Variants in IRF3 observed in about 807,000 individuals in gnomAD.
IRF3 encodes the protein interferon regulatory factor 3.
In IRF3, 29 loss-of-function variants were observed where a neutral mutation model predicts 43.2. The observed-to-expected ratio is 0.67, with a 90% CI of 0.50 to 0.91. The LOEUF is 0.91. Among genes scored for constraint, IRF3 ranks in the 40% least tolerant of loss-of-function variants. IRF3 has a pLI of 0.00. For synonymous variants in IRF3, 228 were observed against 233.9 expected, an observed-to-expected ratio of 0.97 and a Z score of 0.23; for missense variants, 505 against 559.1, an observed-to-expected ratio of 0.90 and a Z score of 0.98.
In IRF3 at chr19:49,662,588, G is replaced by T; in HGVS notation, c.438C>A (p.Asn146Lys). Residue 146 changes from asparagine (N) to lysine (K), a missense_variant, in exon 5 of 8, where the codon AAC (asparagine) becomes AAA (lysine). By Grantham distance (94) the Asn-to-Lys change is moderately conservative (BLOSUM62 0). Transcript: ENST00000377139. ...GATCTGGGAGTGGGGCCAACACCAT[G>T]TTACCCAGTAACTCATCCAGAATGT... Reference protein sequence around the residue: ...QEDILDELLGNMVLAPLPDPG... With the variant: ...QEDILDELLGKMVLAPLPDPG... 6.5e-7 allele frequency: 1 copy of T among 1,529,514 alleles called. No homozygotes were observed. Among genetic ancestry groups the T allele is most frequent in the South Asian group, 1.2e-5 (1 of 80,190 alleles). The allele number at this position is 1,529,514 out of a possible 1,614,324, so 94.7% of individuals were successfully genotyped here. A position where few individuals can be genotyped will look rare whatever the true frequency, so the allele number is the denominator to read the frequency against.
At chr19:49,661,746 T>G in intron 6 of IRF3, 1 of 604,178 alleles carries the variant, frequency 1.7e-6, no homozygotes, top group Non-Finnish European at 2.8e-6. Flanking sequence ...CGCCCGACTA[T>G]TTTTTTGTAT....
chr19:49,661,989 T>C lies in IRF3; in HGVS notation c.941A>G (p.Asp314Gly), dbSNP rs745931564. The change falls in exon 6 of 8, where the codon GAC becomes GGC. Residue 314 changes from aspartate to glycine, a missense_variant. Asp to Gly is a moderately conservative substitution (Grantham distance 94). Transcript: ENST00000377139. ...CAGGTCAAACACGCCTCCTTCCTTGTCCTTGGGGACCTCGCCATCAGGCCC... is the reference window on the plus strand; with the variant it reads ...CAGGTCAAACACGCCTCCTTCCTTGCCCTTGGGGACCTCGCCATCAGGCCC... ...GHGPDGEVPK[D>G]KEGGVFDLGP... is the part of the protein sequence containing the mutation. The C allele has an allele frequency of 1.2e-5, 19 of 1,613,814 alleles. No homozygotes were observed. Among genetic ancestry groups the C allele is most frequent in the Non-Finnish European group, 1.6e-5 (19 of 1,179,804 alleles).
At chr19:49,663,646 C>T (rs2081465590) in intron 2 of IRF3, 132 bp from the exon 3 acceptor site, 1 of 807,384 alleles carries the variant, frequency 1.2e-6, no homozygotes, top group Non-Finnish European at 1.9e-6. Context: ...AGGTCCATCC[C>T]CAAATCCCCC....
At chr19:49,660,028 C>CA (rs1555753000) in intron 7 of IRF3, among the ~76,000 whole-genome samples, 195 bp from the exon 8 acceptor site, 8,275 of 109,828 alleles carry the variant, frequency 0.075, 944 homozygotes, top group African/African-American at 0.2. Flanking sequence ...CACACACACA[C>CA]CCCCTGCTGT....
chr19:49,660,695 A>T lies in IRF3; in HGVS notation c.1098+18T>A, dbSNP rs2122587707. 2 of 1,566,980 alleles carry T rather than the reference A, an allele frequency of 1.3e-6. No individual in the cohort carries two copies. The highest frequency in any genetic ancestry group is 2.7e-5 in the African/African-American group (2 of 73,612). On this transcript the variant is annotated intron_variant, in intron 7 of 7. Coordinates refer to ENST00000377139, the MANE Select transcript of IRF3 (RefSeq NM_001571.6). ...AAGGCCACCCCTTTCAGCCCCAGGGACTCAGGTCTGCAGGCACCTTGACCA... is the reference window on the plus strand; with the variant it reads ...AAGGCCACCCCTTTCAGCCCCAGGGTCTCAGGTCTGCAGGCACCTTGACCA...
At chr19:49,659,971 G>T in intron 7 of IRF3, 138 bp from the exon 8 acceptor site, 40 of 497,990 alleles carry the variant, frequency 8.0e-5, no homozygotes, top group East Asian at 2.2e-4. Context: ...AGGGCTGCTG[G>T]GAGTTGTAGT....
At chr19:49,663,637 G>T in intron 2 of IRF3, 123 bp from the exon 3 acceptor site, 1 of 902,602 alleles carries the variant, frequency 1.1e-6, no homozygotes, top group Non-Finnish European at 1.7e-6. Flanking sequence ...AACTCTGCAA[G>T]GTCCATCCCC....
chr19:49,665,431 GCCT>G (rs770116536), intron 1 of IRF3, 197 bp downstream of exon 1: 45 of 189,338 alleles, frequency 2.4e-4, no homozygotes, highest in Non-Finnish European at 4.2e-4. Flanking sequence ...CAGTGTAGAC[GCCT>G]CCTCTTTTCC....
intron 6 of IRF3, 108 bp downstream of exon 6, chr19:49,661,840 A>G (rs1274171062): frequency 4.4e-6 from 6 of 1,360,610 alleles, no homozygotes; most frequent in Non-Finnish European, 3.0e-6. Flanking sequence ...CAGCCTCCCA[A>G]AGTGCTGGGA....
chr19:49,661,025 C>T, intron 6 of IRF3, 197 bp from the exon 7 acceptor site: 3 of 613,720 alleles, frequency 4.9e-6, no homozygotes, highest in Non-Finnish European at 5.6e-6. Context: ...GTTGGAAGGC[C>T]ACACCCCCAA....
At position 49,663,217 on chromosome 19, in the gene IRF3, T is replaced by C; in HGVS notation, c.379A>G (p.Asn127Asp). 6.2e-7 allele frequency: 1 copy of C among 1,614,088 alleles called. No individual in the cohort carries two copies. The highest frequency in any genetic ancestry group is 1.1e-5 in the South Asian group (1 of 91,088). ...GTATCAGAAGTACTGCCTCCACCAT[T>C]GGTGTCCGGAGAGGTGTCTGGCTGG... Reference protein sequence around the residue: ...FSQPDTSPDTNGGGSTSDTQE... With the variant: ...FSQPDTSPDTDGGGSTSDTQE... The change falls in exon 4 of 8, where the codon AAT (asparagine) becomes GAT (aspartate). Residue 127 changes from asparagine (N) to aspartate (D), a missense_variant. Asn to Asp is a conservative substitution (Grantham distance 23, BLOSUM62 1). Coordinates refer to ENST00000377139, the MANE Select transcript of IRF3 (RefSeq NM_001571.6).
rs749911788 is a variant in IRF3, at chr19:49,661,928, G to A, written c.982+20C>T. On this transcript the variant is annotated intron_variant, in intron 6 of 7. Transcript: ENST00000377139. The stretch of plus-strand genomic sequence containing the variant: ...CAGGCTGCTTTGTACTGGCCAGGTC[G>A]AAGCCCCTGTCTCACTCACCTACAA... 31 of 1,589,286 alleles carry A rather than the reference G, an allele frequency of 2.0e-5. No homozygotes were observed. Among genetic ancestry groups the A allele is most frequent in the Middle Eastern group, 3.4e-4 (2 of 5,948 alleles).
Position 49,662,474 on chromosome 19 carries a change from G to A in IRF3, c.552C>T (p.Asn184=). 1 of 1,590,810 alleles carries A rather than the reference G, an allele frequency of 6.3e-7. No individual in the cohort carries two copies. The highest frequency in any genetic ancestry group is 1.1e-5 in the South Asian group (1 of 88,316). The change falls in exon 5 of 8, where the codon AAC becomes AAT. Residue 184 remains asparagine (N), a synonymous_variant. Transcript: ENST00000377139. ...TCAGTGGGTTCTCAGAGGGCCCCAG[G>A]TTTGGGAAGGGAGTGGGATTGTCCA... ...PSLDNPTPFP[N]LGPSENPLKR...
chr19:49,660,978 C>T (rs2081299817), intron 6 of IRF3, 150 bp from the exon 7 acceptor site: 1 of 850,462 alleles, frequency 1.2e-6, no homozygotes, highest in Non-Finnish European at 1.8e-6. Context: ...AAAGTCCCCT[C>T]CTTCCCTCCC....
At position 49,665,843 on chromosome 19, in the gene IRF3, T is replaced by C; in HGVS notation, c.-221A>G. The C allele has an allele frequency of 6.3e-7, 1 of 1,598,562 alleles. No individual in the cohort carries two copies. Among genetic ancestry groups the C allele is most frequent in the Admixed American group, 1.7e-5 (1 of 59,752 alleles). ...AAGCCGATGGGACGGCCCGCTGGGC[T>C]GTTCCCGCCCCTATGCCCTTTTTTG... On this transcript the variant is annotated 5_prime_UTR_variant, in exon 1 of 8. Transcript: ENST00000377139.
rs1387850619 is a variant in IRF3 at position 49,659,712 on chromosome 19, TG to T, written c.1219del (p.Gln407SerfsTer47). On this transcript the variant is annotated frameshift_variant, in exon 8 of 8. Coordinates refer to ENST00000377139, the MANE Select transcript of IRF3 (RefSeq NM_001571.6). LOFTEE classifies it high-confidence loss of function. ...CAAGTCCTGCAGGTAGGCCTTGTAC[TG>T]GTCGGAGGTGAGGGAGAGTGGGTGG... ...NSHPLSLTSDQYKAYLQDLVE... is the reference protein window; with the variant it reads ...NSHPLSLTSDXYKAYLQDLVE... 1.2e-6 allele frequency: 2 copies of T among 1,613,870 alleles called. No individual in the cohort carries two copies. The highest frequency in any genetic ancestry group is 4.5e-5 in the East Asian group (2 of 44,870).
intron 6 of IRF3, 190 bp from the exon 7 acceptor site, chr19:49,661,018 G>A: frequency 3.3e-6 from 2 of 611,844 alleles, no homozygotes; most frequent in Non-Finnish European, 5.4e-6. Flanking sequence ...TGGGGTTGTT[G>A]GAAGGCCACA....
In IRF3 at chr19:49,660,724, C is replaced by A. The variant is rs148672096; in HGVS notation, c.1087G>T (p.Val363Leu). ...PQDQPWTKRL[V>L]MVKVVPTCLR... Reference sequence around the variant, plus strand: ...AGGTCTGCAGGCACCTTGACCATCACGAGCCTCTTGGTCCACGGCTGGTCC... The same window carrying A: ...AGGTCTGCAGGCACCTTGACCATCAAGAGCCTCTTGGTCCACGGCTGGTCC... The change falls in exon 7 of 8, where the codon GTG (valine) becomes TTG (leucine). Residue 363 changes from valine (V) to leucine (L), a missense_variant. Transcript: ENST00000377139. 2 of 1,601,776 alleles carry A rather than the reference C, an allele frequency of 1.2e-6. No homozygotes were observed. The highest frequency in any genetic ancestry group is 1.7e-5 in the Admixed American group (1 of 57,898).
At position 49,663,193 on chromosome 19, in the gene IRF3, T is replaced by C; in HGVS notation, c.403A>G (p.Thr135Ala). Residue 135 changes from threonine to alanine, a missense_variant, in exon 4 of 8, where the codon ACC becomes GCC. Transcript: ENST00000377139. ...AAAGTTGGGCACATTCTCACCTGGG[T>C]ATCAGAAGTACTGCCTCCACCATTG... ...DTNGGGSTSDTQEDILDELLG... is the reference protein window; with the variant it reads ...DTNGGGSTSDAQEDILDELLG... 1 of 1,613,658 alleles carries C rather than the reference T, an allele frequency of 6.2e-7. No individual in the cohort carries two copies. Among genetic ancestry groups the C allele is most frequent in the Non-Finnish European group, 8.5e-7 (1 of 1,179,672 alleles).
Sources: gnomAD v4.1 joint callset for allele counts (sites outside exome capture counted in the v4.1 genomes callset) on GRCh38, gnomAD v4.1.1 for gene constraint, MANE v1.5 for transcripts, NCBI Gene and HGNC (gene_info 2026-07-23, HGNC 2026-07-21) for gene names.